Variants in ANKH observed in about 807,000 individuals in gnomAD.
ANKH encodes the protein mineralization regulator ANKH.
ANKH carries 15 observed loss-of-function variants against 49.0 expected under a neutral mutation model. That is an observed-to-expected ratio of 0.31 (90% CI 0.20 to 0.47). The LOEUF is 0.47. Among genes scored for constraint, ANKH ranks in the 20% least tolerant of loss-of-function variants. The pLI is 1.00. For missense variants in ANKH, 429 were observed against 652.0 expected (o/e 0.66, Z 3.72); for synonymous variants, 273 against 260.0 (o/e 1.05, Z -0.48).
chr5:14,817,630 G>A (rs1313077187), intron 1 of ANKH, among the ~76,000 whole-genome samples: 2 of 152,124 alleles, frequency 1.3e-5, no homozygotes, highest in Admixed American at 6.5e-5. Context: ...CACTTCTGAT[G>A]TTTAGGTTCA....
At chr5:14,777,830 CT>C (rs1739676924) in intron 1 of ANKH, among the ~76,000 whole-genome samples, 1 of 152,198 alleles carries the variant, frequency 6.6e-6, no homozygotes, top group African/African-American at 2.4e-5. Context: ...GACAGATTAT[CT>C]TTTGGGGTTC....
chr5:14,871,555 G>A lies in ANKH; in HGVS notation c.-108C>T, dbSNP rs1281301634. 3.1e-6 allele frequency: 2 copies of A among 639,612 alleles called. No individual in the cohort carries two copies. Among genetic ancestry groups the A allele is most frequent in the Non-Finnish European group, 4.2e-6 (2 of 476,582 alleles). The allele number at this position is 639,612 out of a possible 1,614,324, so 39.6% of individuals were successfully genotyped here. On this transcript the variant is annotated 5_prime_UTR_variant, in exon 1 of 12. Coordinates refer to ENST00000284268, the MANE Select transcript of ANKH (RefSeq NM_054027.6). ...GGCGAGCGGGGCGCGGGCCGACAGAGGCCGCGGGCGGCGGGGCCTCGGGCG... is the reference window on the plus strand; with the variant it reads ...GGCGAGCGGGGCGCGGGCCGACAGAAGCCGCGGGCGGCGGGGCCTCGGGCG...
intron 1 of ANKH, among the ~76,000 whole-genome samples, chr5:14,827,321 A>G (rs1479902244): frequency 1.3e-5 from 2 of 152,200 alleles, no homozygotes; most frequent in Non-Finnish European, 2.9e-5. Context: ...AGGTAAAACA[A>G]ACATTTTAAG....
At chr5:14,736,188 C>T (rs1267936229) in intron 8 of ANKH, among the ~76,000 whole-genome samples, 2 of 152,084 alleles carry the variant, frequency 1.3e-5, no homozygotes, top group African/African-American at 2.4e-5. Flanking sequence ...CACCTCCCTA[C>T]CCCCACCACA....
chr5:14,862,488 T>C (rs941079078), intron 1 of ANKH, among the ~76,000 whole-genome samples: 4 of 152,188 alleles, frequency 2.6e-5, no homozygotes, highest in Non-Finnish European at 5.9e-5. Context: ...TACGGCTTGA[T>C]ATGAATGACC....
intron 2 of ANKH, among the ~76,000 whole-genome samples, chr5:14,765,389 T>A (rs1183164291): frequency 1.3e-5 from 2 of 152,146 alleles, no homozygotes; most frequent in Non-Finnish European, 2.9e-5. Flanking sequence ...CAATTCCAAG[T>A]GTCTGCTCTA....
intron 3 of ANKH, among the ~76,000 whole-genome samples, chr5:14,757,936 C>T (rs1321646000): frequency 6.6e-6 from 1 of 152,068 alleles, no homozygotes; most frequent in Non-Finnish European, 1.5e-5. Context: ...GGTATATACC[C>T]CAAAGAACCA....
At chr5:14,797,665 C>T in intron 1 of ANKH, 1 of 1,598,786 alleles carries the variant, frequency 6.3e-7, no homozygotes, top group South Asian at 1.1e-5. Context: ...TCATCAGCAA[C>T]TGACCCAAAC....
chr5:14,870,868 T>C, intron 1 of ANKH: 1 of 276,472 alleles, frequency 3.6e-6, no homozygotes, highest in Non-Finnish European at 7.2e-6. Context: ...CAGGACACAT[T>C]CGGGATACCC....
At chr5:14,825,775 G>T (rs2126591970) in intron 1 of ANKH, among the ~76,000 whole-genome samples, 1 of 152,302 alleles carries the variant, frequency 6.6e-6, no homozygotes, top group African/African-American at 2.4e-5. Context: ...GAAAATAAGT[G>T]CCTAATCTTA....
chr5:14,735,473 T>G (rs1738145056), intron 8 of ANKH, among the ~76,000 whole-genome samples: 1 of 152,220 alleles, frequency 6.6e-6, no homozygotes, highest in Non-Finnish European at 1.5e-5. Flanking sequence ...GACGAGAAGA[T>G]TCCTTCCTTT....
chr5:14,853,657 G>GT (rs200918801), intron 1 of ANKH, among the ~76,000 whole-genome samples: 7 of 150,382 alleles, frequency 4.7e-5, no homozygotes, highest in East Asian at 1.9e-4. Flanking sequence ...AGATGTGTGG[G>GT]TTTTTTTTGT....
intron 1 of ANKH, among the ~76,000 whole-genome samples, chr5:14,790,796 G>C (rs910863387): frequency 2.0e-5 from 3 of 152,132 alleles, no homozygotes; most frequent in African/African-American, 7.2e-5. Context: ...TTTTAGTAGA[G>C]ACAGGGTTTT....
chr5:14,734,935 C>T (rs1197884873), intron 8 of ANKH, among the ~76,000 whole-genome samples: 1 of 152,164 alleles, frequency 6.6e-6, no homozygotes, highest in East Asian at 1.9e-4. Flanking sequence ...ATTCTAGCAA[C>T]TTATTGTTTC....
At chr5:14,867,282 C>T (rs1278911192) in intron 1 of ANKH, among the ~76,000 whole-genome samples, 1 of 151,886 alleles carries the variant, frequency 6.6e-6, no homozygotes, top group Non-Finnish European at 1.5e-5. Context: ...TGGGCTTGAA[C>T]CTTAGCTCTG....
At chr5:14,716,944 G>A (rs985187845) in intron 8 of ANKH, 109 bp from the exon 9 acceptor site, 17 of 1,410,002 alleles carry the variant, frequency 1.2e-5, no homozygotes, top group African/African-American at 2.9e-5. Flanking sequence ...GGGACAACCG[G>A]CCTGACTGGG....
In ANKH at chr5:14,707,804, A is replaced by G. The variant is rs1736998470; in HGVS notation, c.*3393T>C. The G allele has an allele frequency of 6.6e-6, 1 of 152,256 alleles. No individual in the cohort carries two copies. Among genetic ancestry groups the G allele is most frequent in the Non-Finnish European group, 1.5e-5 (1 of 68,052 alleles). The allele number at this position is 152,256 out of a possible 1,614,324, so 9.4% of individuals were successfully genotyped here. Reference sequence around the variant, plus strand: ...TTTCTTAGGGAATCGGCTATCCAGGACATTTCCAAGCCAAACTACCAGCTA... The same window carrying G: ...TTTCTTAGGGAATCGGCTATCCAGGGCATTTCCAAGCCAAACTACCAGCTA... On this transcript the variant is annotated 3_prime_UTR_variant, in exon 12 of 12. Transcript: ENST00000284268.
intron 8 of ANKH, among the ~76,000 whole-genome samples, chr5:14,724,209 C>T (rs1158226845): frequency 1.3e-5 from 2 of 152,044 alleles, no homozygotes; most frequent in African/African-American, 2.4e-5. Context: ...CCTGGCTACT[C>T]GGGAGGCAGA....
At chr5:14,868,407 T>G (rs1735716503) in intron 1 of ANKH, 1 of 151,198 alleles carries the variant, frequency 6.6e-6, no homozygotes, top group South Asian at 2.1e-4. Flanking sequence ...CTTTTTTTTT[T>G]TTTTTTTAGA....
Sources: allele counts gnomAD v4.1 joint callset (sites outside exome capture counted in the v4.1 genomes callset), GRCh38; gene constraint gnomAD v4.1.1; transcripts MANE v1.5; gene names NCBI Gene and HGNC (gene_info 2026-07-23, HGNC 2026-07-21).